The following EPS8 variants were observed in gnomAD, a reference collection of about 807,000 sequenced individuals.
The protein encoded by EPS8 is EGFR pathway substrate 8, signaling adaptor.
In EPS8, 42 loss-of-function variants were observed where a neutral mutation model predicts 103.8. The observed-to-expected ratio is 0.40, with a 90% CI of 0.32 to 0.52. The LOEUF is 0.52. Ranked by LOEUF, EPS8 falls within the 20% of genes least tolerant of loss-of-function variation. The pLI, the probability that EPS8 is intolerant of heterozygous loss-of-function variation, is 0.40. For synonymous variants in EPS8, 344 were observed against 344.6 expected, an observed-to-expected ratio of 1.00 and a Z score of 0.02; for missense variants, 969 against 1,005.1, an observed-to-expected ratio of 0.96 and a Z score of 0.49.
In EPS8 at chr12:15,757,904, C is replaced by A. The variant is rs1392729282; in HGVS notation, c.-22+31257G>T. Among the ~76,000 whole-genome samples, 2 of 152,198 alleles carry A rather than the reference C, an allele frequency of 1.3e-5. No individual in the cohort carries two copies. Among genetic ancestry groups the A allele is most frequent in the Non-Finnish European group, 2.9e-5 (2 of 68,030 alleles). ...AGTTTCTTTGCATCAAGAATTCTGACAGATCTCAGCTGGAACAGCTATCTG... is the reference window on the plus strand; with the variant it reads ...AGTTTCTTTGCATCAAGAATTCTGAAAGATCTCAGCTGGAACAGCTATCTG... On this transcript the variant is annotated intron_variant, in intron 1 of 20. Coordinates refer to ENST00000281172, the MANE Select transcript of EPS8 (RefSeq NM_004447.6). The surrounding 1 kb of genome is among the most constrained non-coding windows in gnomAD (Gnocchi z 4.1).
At chr12:15,712,936 G>A in intron 1 of EPS8, 1 of 984,858 alleles carries the variant, frequency 1.0e-6, no homozygotes, top group Middle Eastern at 5.2e-4. Flanking sequence ...TATGTGCCAA[G>A]TGACCTTTGG....
At chr12:15,623,043 G>T in intron 20 of EPS8, 115 bp downstream of exon 20, 1 of 1,043,280 alleles carries the variant, frequency 9.6e-7, no homozygotes, top group Non-Finnish European at 1.4e-6. Context: ...CAAAAGCAGA[G>T]TTAAATTTAA....
intron 18 of EPS8, among the ~76,000 whole-genome samples, chr12:15,629,488 T>C (rs1272334134): frequency 6.6e-6 from 1 of 152,236 alleles, no homozygotes; most frequent in Non-Finnish European, 1.5e-5. Flanking sequence ...AAAATATTTA[T>C]AGAAATTTCT....
In EPS8 at chr12:15,727,860, A is replaced by G. The variant is rs149457155; in HGVS notation, c.-21-44888T>C. ...GCGACAGAGCGAGACTCCATCCCCA[A>G]AAAAAATAAAATAAAATAAATAAGT... is the stretch of plus-strand genomic sequence containing the variant. On this transcript the variant is annotated intron_variant, in intron 1 of 20. Coordinates refer to ENST00000281172, the MANE Select transcript of EPS8 (RefSeq NM_004447.6). This position sits in a 1 kb window ranked among gnomAD's most constrained non-coding sequence, Gnocchi z 4.3. Among the ~76,000 whole-genome samples the G allele has an allele frequency of 0.015, 2,295 of 152,284 alleles. 66 individuals are homozygous for G. The highest frequency in any genetic ancestry group is 0.052 in the African/African-American group (2,177 of 41,538).
chr12:15,739,228 T>C (rs113478600), intron 1 of EPS8, among the ~76,000 whole-genome samples: 8 of 152,186 alleles, frequency 5.3e-5, no homozygotes, highest in African/African-American at 1.9e-4. Flanking sequence ...CCCAAGATCA[T>C]AGGGCAGAGG....
chr12:15,668,020 T>C (rs1945746779), intron 6 of EPS8, among the ~76,000 whole-genome samples: 1 of 152,184 alleles, frequency 6.6e-6, no homozygotes, highest in African/African-American at 2.4e-5. Flanking sequence ...AAATTTGAAA[T>C]GTTTTTCAAC....
chr12:15,730,852 C>G (rs951394518), intron 1 of EPS8, among the ~76,000 whole-genome samples: 29 of 151,992 alleles, frequency 1.9e-4, no homozygotes, highest in African/African-American at 6.5e-4. Context: ...TTCCTTCACT[C>G]CCCTCAGAAA....
At chr12:15,766,112 G>T (rs923497363) in intron 1 of EPS8, among the ~76,000 whole-genome samples, 1 of 151,348 alleles carries the variant, frequency 6.6e-6, no homozygotes, top group Non-Finnish European at 1.5e-5. Flanking sequence ...CCTGCAACCG[G>T]CCTAAAAGTT....
chr12:15,658,879 A>G (rs1945554664), intron 10 of EPS8, among the ~76,000 whole-genome samples: 1 of 152,202 alleles, frequency 6.6e-6, no homozygotes, highest in Non-Finnish European at 1.5e-5. Flanking sequence ...GCCCTGCTCT[A>G]AGGGCCTTAA....
At chr12:15,705,853 A>G (rs1381042640) in intron 1 of EPS8, among the ~76,000 whole-genome samples, 3 of 152,238 alleles carry the variant, frequency 2.0e-5, no homozygotes, top group African/African-American at 7.2e-5. Flanking sequence ...AAGGAAAAAC[A>G]GACTTATGAT....
At chr12:15,712,154 T>C (rs949051839) in intron 1 of EPS8, among the ~76,000 whole-genome samples, 1 of 152,206 alleles carries the variant, frequency 6.6e-6, no homozygotes, top group Non-Finnish European at 1.5e-5. Flanking sequence ...AATTATAAAA[T>C]TGAATATTTT....
intron 1 of EPS8, among the ~76,000 whole-genome samples, chr12:15,715,920 GGAGT>G (rs1946528837): frequency 6.6e-6 from 1 of 151,752 alleles, no homozygotes; most frequent in African/African-American, 2.4e-5. Context: ...GAAACTGAAG[GGAGT>G]GAGAAGAGGA....
chr12:15,719,619 A>G (rs565343712), intron 1 of EPS8, among the ~76,000 whole-genome samples: 3 of 152,342 alleles, frequency 2.0e-5, no homozygotes, highest in East Asian at 1.9e-4. Flanking sequence ...AAACGGTTTA[A>G]TTTCTTTGAA....
rs547700750 is a variant in EPS8 at position 15,781,955 on chromosome 12, C to T, written c.-22+7206G>A. 27 of 152,256 alleles carry T rather than the reference C, an allele frequency of 1.8e-4. No individual in the cohort carries two copies. Among genetic ancestry groups the T allele is most frequent in the African/African-American group, 6.3e-4 (26 of 41,528 alleles). The allele number at this position is 152,256 out of a possible 1,614,324, so 9.4% of individuals were successfully genotyped here. A position where few individuals can be genotyped will look rare whatever the true frequency, so the allele number is the denominator to read the frequency against. On this transcript the variant is annotated intron_variant, in intron 1 of 20. Coordinates refer to ENST00000281172, the MANE Select transcript of EPS8 (RefSeq NM_004447.6). This position sits in a 1 kb window ranked among gnomAD's most constrained non-coding sequence, Gnocchi z 4.1. ...TTAATCCATTAATTCATGAATGGAT[C>T]AATCACTTCTTAAAGGCCTCACCTC... is the stretch of plus-strand genomic sequence containing the variant.
intron 2 of EPS8, among the ~76,000 whole-genome samples, chr12:15,681,598 C>T (rs368994403): frequency 6.6e-6 from 1 of 151,592 alleles, no homozygotes; most frequent in Non-Finnish European, 1.5e-5. Context: ...GGCGTTGTGG[C>T]GCATGCCTGT....
At chr12:15,732,722 T>C (rs757671544) in intron 1 of EPS8, 17 of 946,916 alleles carry the variant, frequency 1.8e-5, no homozygotes, top group Non-Finnish European at 2.1e-5. Flanking sequence ...AGAATATGAT[T>C]TGCAATAAAG....
At position 15,621,364 on chromosome 12, in the gene EPS8, C is replaced by T. The variant is rs756237804; in HGVS notation, c.2422G>A (p.Ala808Thr). 1.7e-5 allele frequency: 28 copies of T among 1,602,380 alleles called. No individual in the cohort carries two copies. The highest frequency in any genetic ancestry group is 9.1e-5 in the East Asian group (4 of 44,032). The change falls in exon 21 of 21, where the codon GCT becomes ACT. Residue 808 changes from alanine to threonine, a missense_variant. Coordinates refer to ENST00000281172, the MANE Select transcript of EPS8 (RefSeq NM_004447.6). ...AAAGATTCCACTCCTGAATCACTAG[C>T]GGCAGCACTGATTTTTTCCTGTCGT... ...RRRQEKISAAASDSGVESFDE... is the reference protein window; with the variant it reads ...RRRQEKISAATSDSGVESFDE...
At chr12:15,651,916 T>G (rs1442739668) in intron 13 of EPS8, among the ~76,000 whole-genome samples, 3 of 152,124 alleles carry the variant, frequency 2.0e-5, no homozygotes, top group Non-Finnish European at 4.4e-5. Context: ...ACAATATATT[T>G]CGTTTTGATG....
chr12:15,645,388 A>C (rs1311044651), intron 15 of EPS8, among the ~76,000 whole-genome samples: 1 of 150,244 alleles, frequency 6.7e-6, no homozygotes, highest in Non-Finnish European at 1.5e-5. Context: ...AATAGTGTCA[A>C]CTTTTATATT....
Sources: gnomAD v4.1 joint callset for allele counts (sites outside exome capture counted in the v4.1 genomes callset) on GRCh38, gnomAD v4.1.1 for gene constraint, Gnocchi (gnomAD v3.1) non-coding constraint, MANE v1.5 for transcripts, NCBI Gene and HGNC (gene_info 2026-07-23, HGNC 2026-07-21) for gene names.